The following FSTL4 variants were observed in gnomAD, a reference collection of about 807,000 sequenced individuals.
FSTL4 encodes follistatin like 4, also known as follistatin-related protein 4.
In FSTL4, 28 loss-of-function variants were observed where a neutral mutation model predicts 78.2. That is an observed-to-expected ratio of 0.36 (90% confidence interval 0.27 to 0.49). The LOEUF is 0.49. Among genes scored for constraint, FSTL4 ranks in the 20% least tolerant of loss-of-function variants. The pLI is 0.98. For missense variants in FSTL4, 922 were observed against 1,084.9 expected (o/e 0.85, Z 2.11); for synonymous variants, 422 against 440.5 (o/e 0.96, Z 0.53).
the FSTL4 span, among the ~76,000 whole-genome samples, chr5:133,721,249 G>A: frequency 2.6e-5 from 4 of 152,014 alleles, no homozygotes; most frequent in Non-Finnish European, 5.9e-5. Flanking sequence ...ACAACTCATC[G>A]TAGCTTTATT....
intron 3 of FSTL4, among the ~76,000 whole-genome samples, chr5:133,552,636 G>A (rs1165153753): frequency 2.6e-5 from 4 of 152,194 alleles, no homozygotes; most frequent in African/African-American, 9.7e-5. Flanking sequence ...AAATATGGCT[G>A]CAGGCTGAAT....
At chr5:133,621,432 C>CA in the FSTL4 span, among the ~76,000 whole-genome samples, 3 of 150,006 alleles carry the variant, frequency 2.0e-5, no homozygotes, top group South Asian at 4.2e-4. Context: ...ACAAAAACAA[C>CA]AAAAAAAGAG....
intron 6 of FSTL4, among the ~76,000 whole-genome samples, chr5:133,252,700 T>C (rs926557692): frequency 7.9e-5 from 12 of 152,178 alleles, no homozygotes; most frequent in Middle Eastern, 3.4e-3. Context: ...ATTTGGAACA[T>C]AGGACTGATG....
At chr5:133,504,347 A>G (rs1216882170) in intron 3 of FSTL4, among the ~76,000 whole-genome samples, 1 of 152,112 alleles carries the variant, frequency 6.6e-6, no homozygotes, top group African/African-American at 2.4e-5. Flanking sequence ...ACGCTCCTCA[A>G]ACATAGGGAA....
At chr5:133,777,165 T>C in the FSTL4 span, among the ~76,000 whole-genome samples, 23 of 151,860 alleles carry the variant, frequency 1.5e-4, no homozygotes, top group Admixed American at 1.3e-3. Context: ...GAAGGAAAAA[T>C]AGGAAATAGT....
chr5:133,833,593 G>A, the FSTL4 span, among the ~76,000 whole-genome samples: 6 of 152,214 alleles, frequency 3.9e-5, no homozygotes, highest in South Asian at 2.1e-4. Flanking sequence ...GACACTGACC[G>A]TTTGGGAATC....
chr5:133,327,437 A>C (rs1312535741), intron 4 of FSTL4, among the ~76,000 whole-genome samples: 2 of 152,150 alleles, frequency 1.3e-5, no homozygotes, highest in Non-Finnish European at 2.9e-5. Flanking sequence ...CCCCTACCTG[A>C]CAGGGCTCAC....
intron 6 of FSTL4, among the ~76,000 whole-genome samples, chr5:133,298,617 C>T (rs924818203): frequency 1.3e-5 from 2 of 152,208 alleles, no homozygotes; most frequent in Non-Finnish European, 2.9e-5. Context: ...AGCTGAAGCC[C>T]AAAAGCTTCC....
upstream of FSTL4, among the ~76,000 whole-genome samples, chr5:133,614,298 G>A (rs10072742): frequency 0.012 from 1,819 of 152,262 alleles, 33 homozygotes; most frequent in African/African-American, 0.041. Context: ...AGGGTCTATA[G>A]GTTGACCAAG....
chr5:133,708,241 C>G, the FSTL4 span, among the ~76,000 whole-genome samples: 15 of 151,992 alleles, frequency 9.9e-5, no homozygotes, highest in Admixed American at 9.8e-4. Flanking sequence ...TTAAAGACGT[C>G]CAGTTGCCTC....
intron 3 of FSTL4, among the ~76,000 whole-genome samples, chr5:133,502,310 A>G (rs1283789984): frequency 6.6e-6 from 1 of 152,214 alleles, no homozygotes; most frequent in East Asian, 1.9e-4. Flanking sequence ...GGAGAAGTCA[A>G]AGGGAATCAA....
the FSTL4 span, among the ~76,000 whole-genome samples, chr5:133,671,345 C>T: frequency 6.6e-6 from 1 of 152,178 alleles, no homozygotes; most frequent in Non-Finnish European, 1.5e-5. Flanking sequence ...CACAGCACTA[C>T]ATAACAGATA....
intron 3 of FSTL4, among the ~76,000 whole-genome samples, chr5:133,526,660 T>C (rs922078008): frequency 3.3e-5 from 5 of 151,530 alleles, no homozygotes; most frequent in East Asian, 1.9e-4. Flanking sequence ...TGCGGACGAG[T>C]TGTGAAGTGG....
chr5:133,707,781 A>G, the FSTL4 span, among the ~76,000 whole-genome samples: 2 of 152,014 alleles, frequency 1.3e-5, no homozygotes, highest in Non-Finnish European at 2.9e-5. Context: ...GCAGCTCTCC[A>G]GAGGCTGCAG....
intron 8 of FSTL4, among the ~76,000 whole-genome samples, chr5:133,231,177 T>C (rs1196888500): frequency 6.6e-6 from 1 of 150,538 alleles, no homozygotes; most frequent in Non-Finnish European, 1.5e-5. Context: ...TTCTCCTACC[T>C]TGGAAAAAAA....
chr5:133,474,008 G>C (rs1419530736), intron 3 of FSTL4, among the ~76,000 whole-genome samples: 1 of 152,116 alleles, frequency 6.6e-6, no homozygotes, highest in Non-Finnish European at 1.5e-5. Flanking sequence ...ATTTTGGGTG[G>C]GGACACAGCC....
At chr5:133,438,413 G>A (rs886126787) in intron 3 of FSTL4, among the ~76,000 whole-genome samples, 2 of 152,180 alleles carry the variant, frequency 1.3e-5, no homozygotes, top group Non-Finnish European at 2.9e-5. Context: ...TGCAGCAGAT[G>A]GTATTGGTTG....
chr5:133,327,168 A>G (rs1323352497), intron 4 of FSTL4, among the ~76,000 whole-genome samples: 4 of 152,182 alleles, frequency 2.6e-5, no homozygotes, highest in African/African-American at 9.7e-5. Flanking sequence ...TCAACGAAGA[A>G]CCTGTTTACT....
At chr5:133,395,732 A>T (rs1756021154) in intron 4 of FSTL4, among the ~76,000 whole-genome samples, 1 of 152,126 alleles carries the variant, frequency 6.6e-6, no homozygotes, top group African/African-American at 2.4e-5. Flanking sequence ...ACTCCTAGAA[A>T]GCCTTCCCCA....
Sources: allele counts gnomAD v4.1 joint callset (sites outside exome capture counted in the v4.1 genomes callset), GRCh38; gene constraint gnomAD v4.1.1; transcripts MANE v1.5; gene names NCBI Gene and HGNC (gene_info 2026-07-23, HGNC 2026-07-21).